The following TANC2 variants were observed in gnomAD, a reference collection of about 807,000 sequenced individuals.
TANC2 encodes the protein tetratricopeptide repeat, ankyrin repeat and coiled-coil containing 2.
In TANC2, 26 loss-of-function variants were observed where a neutral mutation model predicts 210.5. That is an observed-to-expected ratio of 0.12 (90% CI 0.09 to 0.17). TANC2 has a LOEUF of 0.17. Among genes scored for constraint, TANC2 ranks in the 10% least tolerant of loss-of-function variants. The pLI is 1.00. For missense variants in TANC2, 2,129 were observed against 2,608.9 expected, an observed-to-expected ratio of 0.82 and a Z score of 4.01; for synonymous variants, 931 against 967.1, an observed-to-expected ratio of 0.96 and a Z score of 0.69.
At chr17:63,285,840 A>G (rs1016230814) in intron 9 of TANC2, among the ~76,000 whole-genome samples, 8 of 152,270 alleles carry the variant, frequency 5.3e-5, no homozygotes, top group Non-Finnish European at 7.4e-5. Context: ...AGGCAGCCAG[A>G]AGGGGAGCAG....
chr17:63,337,669 T>C (rs1285385912), intron 11 of TANC2, among the ~76,000 whole-genome samples: 5 of 151,998 alleles, frequency 3.3e-5, no homozygotes, highest in African/African-American at 1.2e-4. Context: ...ATTTATTATA[T>C]AGGTAAACTC....
chr17:63,309,163 A>T (rs1281060634), intron 9 of TANC2, among the ~76,000 whole-genome samples: 7 of 152,090 alleles, frequency 4.6e-5, no homozygotes, highest in Non-Finnish European at 1.0e-4. Flanking sequence ...GCTGCAAAAA[A>T]TGTGAGTGTG....
Position 63,022,979 on chromosome 17 carries a change from G to T in TANC2, c.67+13353G>T, listed in dbSNP as rs553539775. 3.9e-5 allele frequency among the ~76,000 whole-genome samples: 6 copies of T among 152,368 alleles called. No homozygotes were observed. The East Asian group carries it at 5.8e-4, about 15-fold the overall frequency. ...GCAGTGTCTGTGTGGTGCTAATTCT[G>T]CAGGTGTGCAGAATGCAAGAGGTGT... On this transcript the variant is annotated intron_variant, in intron 2 of 27. Coordinates refer to ENST00000689528, the Ensembl canonical transcript of TANC2.
At chr17:63,192,737 A>G (rs1043073150) in intron 5 of TANC2, among the ~76,000 whole-genome samples, 20 of 152,240 alleles carry the variant, frequency 1.3e-4, no homozygotes, top group African/African-American at 4.8e-4. Context: ...AGTGGAATCT[A>G]AAGTTATGAA....
intron 4 of TANC2, chr17:63,148,808 C>CTGGAA (rs1422474885): frequency 6.6e-6 from 1 of 152,068 alleles, no homozygotes; most frequent in Non-Finnish European, 1.5e-5. Context: ...TCCAGGCTTC[C>CTGGAA]AGGTAAAACA....
intron 17 of TANC2, chr17:63,391,424 G>A (rs1048369464): frequency 6.6e-6 from 1 of 152,044 alleles, no homozygotes. Flanking sequence ...TTTATACAAG[G>A]GCTTGAACAA....
chr17:63,130,061 CCTTAT>C (rs956586140), intron 4 of TANC2, among the ~76,000 whole-genome samples: 9 of 152,104 alleles, frequency 5.9e-5, no homozygotes, highest in Non-Finnish European at 1.2e-4. Flanking sequence ...ATAATCACCA[CCTTAT>C]CTTTTCTTTA....
intron 3 of TANC2, among the ~76,000 whole-genome samples, chr17:63,079,572 T>C (rs1296388135): frequency 6.6e-6 from 1 of 152,222 alleles, no homozygotes; most frequent in East Asian, 1.9e-4. Flanking sequence ...TTAGTATGCA[T>C]GAACATCAAC....
intron 5 of TANC2, among the ~76,000 whole-genome samples, chr17:63,190,182 T>G (rs1271663143): frequency 6.6e-6 from 1 of 151,836 alleles, no homozygotes; most frequent in Non-Finnish European, 1.5e-5. Flanking sequence ...AAAAAAATTT[T>G]TAAAAAAATT....
At chr17:63,405,971 TG>T (rs1346868007) in intron 20 of TANC2, among the ~76,000 whole-genome samples, 182 bp from the exon 21 acceptor site, 2 of 152,244 alleles carry the variant, frequency 1.3e-5, no homozygotes, top group Non-Finnish European at 2.9e-5. Context: ...CTCATTTGAC[TG>T]TCCCTGAGAG....
intron 5 of TANC2, among the ~76,000 whole-genome samples, chr17:63,159,776 T>C (rs919892482): frequency 1.3e-5 from 2 of 152,062 alleles, no homozygotes; most frequent in Non-Finnish European, 2.9e-5. Context: ...ATCCACAGAT[T>C]TTGGTATGGG....
intron 15 of TANC2, among the ~76,000 whole-genome samples, chr17:63,384,776 G>T (rs570184003): frequency 6.6e-6 from 1 of 152,266 alleles, no homozygotes; most frequent in African/African-American, 2.4e-5. Context: ...AGAAGAAATT[G>T]TCTGGGATTA....
Position 63,420,118 on chromosome 17 carries a change from A to C in TANC2, c.4388A>C (p.Gln1463Pro), listed in dbSNP as rs1028422577. 2 of 1,552,906 alleles carry C rather than the reference A, an allele frequency of 1.3e-6. No homozygotes were observed. The highest frequency in any genetic ancestry group is 1.7e-6 in the Non-Finnish European group (2 of 1,147,656). Reference sequence around the variant, plus strand: ...GAGTGTAGACAGATGCAGCAGCCACAGCAGCCACCGCCGCCACCGCAGCCT... The same window carrying C: ...GAGTGTAGACAGATGCAGCAGCCACCGCAGCCACCGCCGCCACCGCAGCCT... The change falls in exon 28 of 28, where the codon CAG becomes CCG. Residue 1463 changes from glutamine (Q) to proline (P), a missense_variant. Coordinates refer to ENST00000689528, the Ensembl canonical transcript of TANC2. This position sits in a 1 kb window ranked among gnomAD's most constrained non-coding sequence, Gnocchi z 4.2.
intron 4 of TANC2, among the ~76,000 whole-genome samples, chr17:63,103,756 A>G (rs1268997224): frequency 6.6e-6 from 1 of 152,208 alleles, no homozygotes; most frequent in Non-Finnish European, 1.5e-5. Flanking sequence ...TTAAAGCTTC[A>G]TATGTTTTTA....
At chr17:63,395,955 T>A (rs1388049937) in intron 18 of TANC2, 27 bp downstream of exon 18, 16 of 1,577,232 alleles carry the variant, frequency 1.0e-5, no homozygotes, top group Non-Finnish European at 1.4e-5. Context: ...AGGATTGTTT[T>A]TTCAAGCTCT....
intron 9 of TANC2, among the ~76,000 whole-genome samples, chr17:63,295,350 A>C (rs1203898546): frequency 6.6e-6 from 1 of 152,234 alleles, no homozygotes; most frequent in Non-Finnish European, 1.5e-5. Flanking sequence ...AAATATGATG[A>C]GGCATTATGT....
chr17:63,301,601 A>G (rs1396600226), intron 9 of TANC2, among the ~76,000 whole-genome samples: 1 of 152,088 alleles, frequency 6.6e-6, no homozygotes, highest in Non-Finnish European at 1.5e-5. Flanking sequence ...GATAGTTTAT[A>G]TTTCTGTGGG....
At chr17:63,100,650 GT>G (rs1230303995) in intron 4 of TANC2, among the ~76,000 whole-genome samples, 2 of 152,086 alleles carry the variant, frequency 1.3e-5, no homozygotes, top group Non-Finnish European at 2.9e-5. Context: ...CATGTGATGT[GT>G]TTCATTTTAC....
intron 9 of TANC2, among the ~76,000 whole-genome samples, chr17:63,305,087 G>T (rs958653835): frequency 6.6e-6 from 1 of 152,182 alleles, no homozygotes; most frequent in Non-Finnish European, 1.5e-5. Context: ...AGCTGCAGCC[G>T]TGGTGCTGGT....
Sources: allele counts gnomAD v4.1 joint callset (sites outside exome capture counted in the v4.1 genomes callset), GRCh38; gene constraint gnomAD v4.1.1; non-coding constraint Gnocchi (gnomAD v3.1); transcripts MANE v1.5; gene names NCBI Gene and HGNC (gene_info 2026-07-23, HGNC 2026-07-21).